The following TRIO variants were observed in gnomAD, a reference collection of about 807,000 sequenced individuals.
The protein encoded by TRIO is triple functional domain protein.
A neutral mutation model predicts 351.9 loss-of-function variants in TRIO; 58 were observed. That is an observed-to-expected ratio of 0.16 (90% CI 0.13 to 0.21). The LOEUF (loss-of-function observed/expected upper bound fraction) is 0.21. TRIO is among the 10% of genes least tolerant of loss of function. The pLI is 1.00. For missense variants in TRIO, 3,201 were observed against 4,027.8 expected (o/e 0.79, Z 5.56); for synonymous variants, 1,758 against 1,595.7 (o/e 1.10, Z -2.42).
At chr5:14,506,607 G>T (rs920620821) in intron 55 of TRIO, among the ~76,000 whole-genome samples, 1 of 152,190 alleles carries the variant, frequency 6.6e-6, no homozygotes, top group Non-Finnish European at 1.5e-5. Context: ...GCAGTGCTGG[G>T]TAAGTGTTTT....
At chr5:14,488,356 C>T (rs746718653) in intron 48 of TRIO, 96 bp downstream of exon 48, 7 of 1,465,132 alleles carry the variant, frequency 4.8e-6, no homozygotes, top group Middle Eastern at 4.2e-4. Flanking sequence ...CTCGGCTGCC[C>T]AGCGCTCTCC....
intron 7 of TRIO, among the ~76,000 whole-genome samples, chr5:14,300,578 G>A (rs1737790899): frequency 6.6e-6 from 1 of 152,104 alleles, no homozygotes; most frequent in Non-Finnish European, 1.5e-5. Flanking sequence ...TCTGTACTTT[G>A]ATAATAACCA....
At chr5:14,381,930 C>T (rs1412505814) in intron 21 of TRIO, among the ~76,000 whole-genome samples, 1 of 152,108 alleles carries the variant, frequency 6.6e-6, no homozygotes, top group Non-Finnish European at 1.5e-5. Flanking sequence ...GAATGTTGTC[C>T]CAATTAAGGC....
chr5:14,329,608 A>G (rs914066314), intron 9 of TRIO, among the ~76,000 whole-genome samples: 1 of 152,256 alleles, frequency 6.6e-6, no homozygotes, highest in African/African-American at 2.4e-5. Context: ...AGCAGGCTGA[A>G]TGGACAAAGA....
At chr5:14,435,467 T>G (rs1000553392) in intron 34 of TRIO, among the ~76,000 whole-genome samples, 1 of 152,232 alleles carries the variant, frequency 6.6e-6, no homozygotes, top group Admixed American at 6.5e-5. Context: ...CTCTTTGTAA[T>G]TAATAAATAC....
intron 33 of TRIO, among the ~76,000 whole-genome samples, chr5:14,409,079 G>A (rs765801389): frequency 2.8e-4 from 43 of 152,086 alleles, no homozygotes; most frequent in Non-Finnish European, 4.6e-4. Context: ...TCATTATTCC[G>A]GACAGAGTTG....
At chr5:14,283,462 C>G (rs555011684) in intron 3 of TRIO, among the ~76,000 whole-genome samples, 34 of 152,324 alleles carry the variant, frequency 2.2e-4, no homozygotes, top group Middle Eastern at 3.4e-3. Flanking sequence ...TGATAATGAC[C>G]TGTACATTTT....
At chr5:14,169,290 C>T (rs1408818620) in intron 1 of TRIO, among the ~76,000 whole-genome samples, 2 of 150,958 alleles carry the variant, frequency 1.3e-5, no homozygotes, top group Non-Finnish European at 2.9e-5. Flanking sequence ...TTTTCTTCAA[C>T]AGTACCAAGA....
At chr5:14,147,589 G>T (rs1233171362) in intron 1 of TRIO, among the ~76,000 whole-genome samples, 6 of 152,160 alleles carry the variant, frequency 3.9e-5, no homozygotes, top group Non-Finnish European at 7.3e-5. Flanking sequence ...GTCGTGCTTG[G>T]TTTCTTTCAT....
At chr5:14,195,856 C>T (rs894190909) in intron 1 of TRIO, among the ~76,000 whole-genome samples, 2 of 152,090 alleles carry the variant, frequency 1.3e-5, no homozygotes, top group South Asian at 4.2e-4. Flanking sequence ...TTTTTCCAAG[C>T]CCTTGCTTAT....
At chr5:14,505,128 A>C (rs1757579549) in intron 55 of TRIO, among the ~76,000 whole-genome samples, 1 of 152,238 alleles carries the variant, frequency 6.6e-6, no homozygotes, top group Non-Finnish European at 1.5e-5. Flanking sequence ...CGTTGTACTT[A>C]CTGGGCTCCT....
At chr5:14,484,971 A>T in intron 46 of TRIO, 98 bp from the exon 47 acceptor site, 1 of 1,297,760 alleles carries the variant, frequency 7.7e-7, no homozygotes, top group East Asian at 2.6e-5. Flanking sequence ...CTGTCCACAT[A>T]GCCCACATTT....
At chr5:14,485,383 G>T in intron 47 of TRIO, 137 bp downstream of exon 47, 1 of 906,474 alleles carries the variant, frequency 1.1e-6, no homozygotes, top group Non-Finnish European at 1.5e-6. Context: ...CCTAGATATT[G>T]CTTTATTTCA....
chr5:14,459,993 G>A (rs552368956), intron 34 of TRIO, among the ~76,000 whole-genome samples: 8 of 151,792 alleles, frequency 5.3e-5, no homozygotes, highest in Admixed American at 2.0e-4. Context: ...TTGGCCCACC[G>A]CAAGCTCCGC....
At chr5:14,273,742 C>A (rs919860772) in intron 2 of TRIO, among the ~76,000 whole-genome samples, 9 of 152,346 alleles carry the variant, frequency 5.9e-5, no homozygotes, top group South Asian at 2.1e-4. Context: ...GGAGTTTGCG[C>A]CTAATGGCAT....
At chr5:14,277,664 G>T (rs565195461) in intron 2 of TRIO, among the ~76,000 whole-genome samples, 31 of 152,176 alleles carry the variant, frequency 2.0e-4, no homozygotes, top group Non-Finnish European at 3.7e-4. Context: ...CTTTGCATTT[G>T]TGACTTTTCT....
intron 11 of TRIO, among the ~76,000 whole-genome samples, chr5:14,349,296 ATG>A (rs202076111): frequency 0.12 from 15,893 of 135,958 alleles, 1,508 homozygotes; most frequent in African/African-American, 0.28. Flanking sequence ...GCACGTGAGC[ATG>A]TGTTTTTCCT....
At chr5:14,452,047 G>A (rs894564565) in intron 34 of TRIO, among the ~76,000 whole-genome samples, 3 of 152,326 alleles carry the variant, frequency 2.0e-5, no homozygotes, top group African/African-American at 7.2e-5. Flanking sequence ...CTGTCTCATC[G>A]GAAACGCCCT....
chr5:14,446,129 A>T (rs1752420650), intron 34 of TRIO, among the ~76,000 whole-genome samples: 1 of 151,698 alleles, frequency 6.6e-6, no homozygotes, highest in Non-Finnish European at 1.5e-5. Flanking sequence ...GCCTGGAATA[A>T]CTCCAGCCCT....
Sources: gnomAD v4.1 joint callset for allele counts (sites outside exome capture counted in the v4.1 genomes callset) on GRCh38, gnomAD v4.1.1 for gene constraint, MANE v1.5 for transcripts, NCBI Gene and HGNC (gene_info 2026-07-23, HGNC 2026-07-21) for gene names.